The following ZNF660 variants were observed in gnomAD, a reference collection of about 807,000 sequenced individuals.
ZNF660 encodes zinc finger protein 660.
In ZNF660, 24 loss-of-function variants were observed where a neutral mutation model predicts 23.2. The observed-to-expected ratio is 1.04, with a 90% CI of 0.75 to 1.46. ZNF660 has a LOEUF of 1.46. Ranked by LOEUF, ZNF660 falls within the 40% of genes most tolerant of loss-of-function variation. The probability of loss-of-function intolerance (pLI) is 0.00; values close to 1 mark genes in which losing one functional copy is unlikely to be tolerated. For synonymous variants in ZNF660, 117 were observed against 131.4 expected (o/e 0.89, Z 0.75); for missense variants, 373 against 396.8 (o/e 0.94, Z 0.51).
At position 44,595,308 on chromosome 3, in the gene ZNF660, T is replaced by A; in HGVS notation, c.*119T>A. On this transcript the variant is annotated 3_prime_UTR_variant, in exon 3 of 3. Coordinates refer to ENST00000322734, the MANE Select transcript of ZNF660 (RefSeq NM_173658.4). ...CTACTTCTAAGAAAATAATTAGAAG[T>A]AGACAAAGATTAATGAAAGGGATGT... is the stretch of plus-strand genomic sequence containing the variant. The A allele has an allele frequency of 8.4e-7, 1 of 1,185,400 alleles. No individual in the cohort carries two copies. The highest frequency in any genetic ancestry group is 1.2e-6 in the Non-Finnish European group (1 of 866,794). The allele number at this position is 1,185,400 out of a possible 1,614,324, so 73.4% of individuals were successfully genotyped here. A position where few individuals can be genotyped will look rare whatever the true frequency, so the allele number is the denominator to read the frequency against.
chr3:44,593,031 C>T (rs1418620298), intron 2 of ZNF660, among the ~76,000 whole-genome samples: 4 of 149,974 alleles, frequency 2.7e-5, no homozygotes, highest in South Asian at 2.1e-4. Context: ...CCAGCCTGGG[C>T]GACAGAGTGA....
In ZNF660 at chr3:44,593,587, C is replaced by T. The variant is rs10212307; in HGVS notation, c.-180-427C>T. On this transcript the variant is annotated intron_variant, in intron 2 of 2. Transcript: ENST00000322734. ...AAAATTAGCTGGGCGTGGTGGCAGG[C>T]GCCTGTAATCCCAGTTACTAGGGAG... is the stretch of plus-strand genomic sequence containing the variant. Among the ~76,000 whole-genome samples the T allele has an allele frequency of 8.6e-3, 1,303 of 151,346 alleles. 14 individuals are homozygous for T. The highest frequency in any genetic ancestry group is 0.03 in the African/African-American group (1,240 of 41,218).
Position 44,594,420 on chromosome 3 carries a change from A to G in ZNF660, c.227A>G (p.Lys76Arg), listed in dbSNP as rs73829668. ...TVHERIHTGE[K>R]PYKCKECGKA... ...CATGAGCGAATCCACACGGGAGAGA[A>G]ACCCTATAAGTGTAAGGAGTGTGGA... is the stretch of plus-strand genomic sequence containing the variant. Residue 76 changes from lysine (K) to arginine (R), a missense_variant, in exon 3 of 3, where the codon AAA becomes AGA. Physicochemically the swap from Lys to Arg is conservative, Grantham distance 26 (BLOSUM62 2). Coordinates refer to ENST00000322734, the MANE Select transcript of ZNF660 (RefSeq NM_173658.4). The G allele has an allele frequency of 2.1e-4, 343 of 1,613,986 alleles. No individual in the cohort carries two copies. The African/African-American group carries it at 4.1e-3, about 19-fold the overall frequency.
At chr3:44,586,853 C>A (rs978581608) in intron 2 of ZNF660, among the ~76,000 whole-genome samples, 8 of 152,150 alleles carry the variant, frequency 5.3e-5, no homozygotes, top group Admixed American at 2.0e-4. Context: ...TATCTACAGG[C>A]AAATCTCATG....
intron 2 of ZNF660, among the ~76,000 whole-genome samples, chr3:44,592,657 CCTT>C (rs1006022791): frequency 1.7e-4 from 26 of 152,200 alleles, no homozygotes; most frequent in African/African-American, 5.5e-4. Flanking sequence ...CTTTAACTAA[CCTT>C]CTTTCCCAAT....
At chr3:44,587,885 C>T (rs1177888620) in intron 2 of ZNF660, among the ~76,000 whole-genome samples, 13 of 152,132 alleles carry the variant, frequency 8.5e-5, no homozygotes, top group Non-Finnish European at 1.8e-4. Context: ...GAAACCCCAT[C>T]TCTACTAAAA....
Position 44,598,873 on chromosome 3 carries a change from C to G in ZNF660, c.*3684C>G, listed in dbSNP as rs1351900874. On this transcript the variant is annotated 3_prime_UTR_variant, in exon 3 of 3. Coordinates refer to ENST00000322734, the MANE Select transcript of ZNF660 (RefSeq NM_173658.4). ...CTCTAATCAGTCATGGTTGCATACA[C>G]ACGTAGTCCTAGGTACTCAGGAGGC... 1 of 152,316 alleles carries G rather than the reference C, an allele frequency of 6.6e-6. No homozygotes were observed. The highest frequency in any genetic ancestry group is 1.5e-5 in the Non-Finnish European group (1 of 68,136). The allele number at this position is 152,316 out of a possible 1,614,324, so 9.4% of individuals were successfully genotyped here. A position where few individuals can be genotyped will look rare whatever the true frequency, so the allele number is the denominator to read the frequency against.
intron 2 of ZNF660, among the ~76,000 whole-genome samples, chr3:44,591,671 A>G (rs1048778264): frequency 6.6e-6 from 1 of 152,250 alleles, no homozygotes; most frequent in Non-Finnish European, 1.5e-5. Context: ...TATGAAGATT[A>G]AATAGCAATG....
chr3:44,594,181 C>A lies in ZNF660; in HGVS notation c.-13C>A, dbSNP rs368288669. 3 of 1,612,378 alleles carry A rather than the reference C, an allele frequency of 1.9e-6. No individual in the cohort carries two copies. The African/African-American group carries it at 4.0e-5, about 22-fold the overall frequency. ...GACTAGAGAGGACACTGGTATGTTC[C>A]AAGCAGGAGAAAATGAGGAGAAAGA... On this transcript the variant is annotated 5_prime_UTR_variant, in exon 3 of 3. Coordinates refer to ENST00000322734, the MANE Select transcript of ZNF660 (RefSeq NM_173658.4).
rs373875161 is a variant in ZNF660, at chr3:44,595,067, C to T, written c.874C>T (p.His292Tyr). The stretch of plus-strand genomic sequence containing the variant: ...CAGGCAGACTTCTCAAGTTATTCTA[C>T]ACTTGAGAACCCACACTAAGGAGAA... ...TFRQTSQVIL[H>Y]LRTHTKEKPY... is the part of the protein sequence containing the mutation. The change falls in exon 3 of 3, where the codon CAC becomes TAC. Residue 292 changes from histidine to tyrosine, a missense_variant. Physicochemically the swap from His to Tyr is moderately conservative, Grantham distance 83. Transcript: ENST00000322734. 2.2e-5 allele frequency: 36 copies of T among 1,613,780 alleles called. No homozygotes were observed. The highest frequency in any genetic ancestry group is 2.8e-5 in the Non-Finnish European group (33 of 1,179,980).
In ZNF660 at chr3:44,586,148, G is replaced by A. The variant is rs1372858581; in HGVS notation, c.-246G>A. On this transcript the variant is annotated 5_prime_UTR_variant, in exon 2 of 3. Transcript: ENST00000322734. ...GGAACTTCTTCACTGAACTCAAGGA[G>A]GAGATCAGGCAAGATCTGTGCTGTG... is the stretch of plus-strand genomic sequence containing the variant. 6.6e-6 allele frequency: 1 copy of A among 152,186 alleles called. No homozygotes were observed. Among genetic ancestry groups the A allele is most frequent in the African/African-American group, 2.4e-5 (1 of 41,430 alleles). The allele number at this position is 152,186 out of a possible 1,614,324, so 9.4% of individuals were successfully genotyped here. A position where few individuals can be genotyped will look rare whatever the true frequency, so the allele number is the denominator to read the frequency against.
At chr3:44,587,494 A>G (rs980918455) in intron 2 of ZNF660, among the ~76,000 whole-genome samples, 7 of 152,076 alleles carry the variant, frequency 4.6e-5, no homozygotes, top group African/African-American at 1.7e-4. Context: ...TTTCCCTCCA[A>G]ACTTCTCCAG....
chr3:44,592,441 A>G (rs554801320), intron 2 of ZNF660, among the ~76,000 whole-genome samples: 1 of 152,298 alleles, frequency 6.6e-6, no homozygotes, highest in East Asian at 1.9e-4. Flanking sequence ...TTTCTTTTAC[A>G]TCCCAACTCC....
chr3:44,593,574 G>T (rs1310207375), intron 2 of ZNF660, among the ~76,000 whole-genome samples: 1 of 152,032 alleles, frequency 6.6e-6, no homozygotes, highest in Non-Finnish European at 1.5e-5. Flanking sequence ...AATTAGCTGG[G>T]CGTGGTGGCA....
Position 44,589,145 on chromosome 3 carries a change from C to T in ZNF660, c.-181+2932C>T, listed in dbSNP as rs560050843. Among the ~76,000 whole-genome samples the T allele has an allele frequency of 3.3e-5, 5 of 152,332 alleles. No homozygotes were observed. In the East Asian group the frequency reaches 9.6e-4, roughly 29 times the overall value. On this transcript the variant is annotated intron_variant, in intron 2 of 2. Coordinates refer to ENST00000322734, the MANE Select transcript of ZNF660 (RefSeq NM_173658.4). ...ACAACGTGCCAGACCCTCCAGTGTT[C>T]ACCTGTACCGCATGACTAGTGTTGT...
In ZNF660 at chr3:44,594,792, G is replaced by A. The variant is rs150885666; in HGVS notation, c.599G>A (p.Gly200Asp). 919 of 1,614,160 alleles carry A rather than the reference G, an allele frequency of 5.7e-4. 3 individuals carry two copies. The highest frequency in any genetic ancestry group is 4.3e-3 in the Middle Eastern group (26 of 6,062). The change falls in exon 3 of 3, where the codon GGT becomes GAT. Residue 200 changes from glycine (G) to aspartate (D), a missense_variant. Coordinates refer to ENST00000322734, the MANE Select transcript of ZNF660 (RefSeq NM_173658.4). ...TGTAAGGAGTGTGGGAAAACATGTGGTTCTAATACAAAGATTATGGACCAT... is the reference window on the plus strand; with the variant it reads ...TGTAAGGAGTGTGGGAAAACATGTGATTCTAATACAAAGATTATGGACCAT... ...YKCKECGKTC[G>D]SNTKIMDHQR...
rs1268538411 is a variant in ZNF660 at position 44,597,829 on chromosome 3, C to T, written c.*2640C>T. The T allele has an allele frequency of 6.6e-6, 1 of 152,232 alleles. No individual in the cohort carries two copies. The highest frequency in any genetic ancestry group is 1.9e-4 in the East Asian group (1 of 5,202). The allele number at this position is 152,232 out of a possible 1,614,324, so 9.4% of individuals were successfully genotyped here. ...CTGAATATAGGAGAGCTTCATATTT[C>T]TTGCCCCAGGCAGGCGAGGATTATA... On this transcript the variant is annotated 3_prime_UTR_variant, in exon 3 of 3. Coordinates refer to ENST00000322734, the MANE Select transcript of ZNF660 (RefSeq NM_173658.4). The surrounding 1 kb of genome is among the most constrained non-coding windows in gnomAD (Gnocchi z 4.1).
intron 2 of ZNF660, among the ~76,000 whole-genome samples, chr3:44,590,024 G>A (rs1316788467): frequency 9.1e-6 from 1 of 109,964 alleles, no homozygotes; most frequent in Non-Finnish European, 1.8e-5. Flanking sequence ...CCTAAATTCT[G>A]CCTTTTTAAA....
chr3:44,593,308 G>A (rs1438446183), intron 2 of ZNF660, among the ~76,000 whole-genome samples: 1 of 152,152 alleles, frequency 6.6e-6, no homozygotes, highest in Non-Finnish European at 1.5e-5. Context: ...AGTATCACTA[G>A]TACTAGGGGA....
Sources: gnomAD v4.1 joint callset for allele counts (sites outside exome capture counted in the v4.1 genomes callset) on GRCh38, gnomAD v4.1.1 for gene constraint, Gnocchi (gnomAD v3.1) non-coding constraint, MANE v1.5 for transcripts, NCBI Gene and HGNC (gene_info 2026-07-23, HGNC 2026-07-21) for gene names.